Variants in CD164L2 observed in about 807,000 individuals in gnomAD.
CD164L2 encodes CD164 sialomucin-like 2 protein.
In CD164L2, 21 loss-of-function variants were observed where a neutral mutation model predicts 23.9. The ratio of observed to expected loss-of-function variants is 0.88; its 90% confidence interval spans 0.62 to 1.27. The LOEUF (loss-of-function observed/expected upper bound fraction) is 1.27, where lower values mean the gene tolerates loss of function less well. Among genes scored for constraint, CD164L2 ranks in the 50% most tolerant of loss-of-function variants. The pLI is 0.00. For synonymous variants in CD164L2, 92 were observed against 90.2 expected, an observed-to-expected ratio of 1.02 and a Z score of -0.11; for missense variants, 230 against 224.8, an observed-to-expected ratio of 1.02 and a Z score of -0.15.
Position 27,382,671 on chromosome 1 carries a change from G to T in CD164L2, c.89-4C>A, listed in dbSNP as rs1221875619. 6.2e-7 allele frequency: 1 copy of T among 1,607,354 alleles called. No individual in the cohort carries two copies. The highest frequency in any genetic ancestry group is 1.7e-5 in the Admixed American group (1 of 59,334). Reference sequence around the variant, plus strand: ...CCAAAGCCTCGAGCTCCTTTACCTGGTAGTGCGGTGGAGTGGGAAGGGAGA... The same window carrying T: ...CCAAAGCCTCGAGCTCCTTTACCTGTTAGTGCGGTGGAGTGGGAAGGGAGA... On this transcript the variant is annotated splice_polypyrimidine_tract_variant and splice_region_variant and intron_variant, in intron 1 of 5. Coordinates refer to ENST00000374030, the MANE Select transcript of CD164L2 (RefSeq NM_001330448.1).
At position 27,379,259 on chromosome 1, in the gene CD164L2, G is replaced by A; in HGVS notation, c.*244C>T. 1.7e-6 allele frequency: 1 copy of A among 589,886 alleles called. No individual in the cohort carries two copies. Among genetic ancestry groups the A allele is most frequent in the Non-Finnish European group, 3.0e-6 (1 of 328,508 alleles). The allele number at this position is 589,886 out of a possible 1,614,324, so 36.5% of individuals were successfully genotyped here. On this transcript the variant is annotated 3_prime_UTR_variant, in exon 6 of 6. Coordinates refer to ENST00000374030, the MANE Select transcript of CD164L2 (RefSeq NM_001330448.1). ...AGGCATACAACCCACTGTCAGGCTG[G>A]GGGGCCCAGCAGGGGCGATGGAGGA...
intron 3 of CD164L2, 95 bp downstream of exon 3, chr1:27,382,233 A>C (rs369464680): frequency 1.9e-6 from 3 of 1,613,356 alleles, no homozygotes. Context: ...TGGGTGAGCA[A>C]AATCCACCGC....
rs1187776725 is a variant in CD164L2, at chr1:27,379,499, G to A, written c.*4C>T. ...CCTCAGGATGGAGTCCAGGCCCAAA[G>A]GGGTCAGATTCTGCAGAGGCCAAAG... On this transcript the variant is annotated 3_prime_UTR_variant, in exon 6 of 6. Transcript: ENST00000374030. 2.6e-6 allele frequency: 4 copies of A among 1,542,066 alleles called. No homozygotes were observed. The highest frequency in any genetic ancestry group is 2.4e-5 in the South Asian group (2 of 83,966).
Position 27,379,288 on chromosome 1 carries a change from G to A in CD164L2, c.*215C>T, listed in dbSNP as rs769904489. ...GCCCAGCAGGGGCGATGGAGGAGACGAGGTGGTTGAGGGATTTTCTCAGCT... is the reference window on the plus strand; with the variant it reads ...GCCCAGCAGGGGCGATGGAGGAGACAAGGTGGTTGAGGGATTTTCTCAGCT... On this transcript the variant is annotated 3_prime_UTR_variant, in exon 6 of 6. Coordinates refer to ENST00000374030, the MANE Select transcript of CD164L2 (RefSeq NM_001330448.1). 79 of 606,422 alleles carry A rather than the reference G, an allele frequency of 1.3e-4. 1 individual carries two copies. Among genetic ancestry groups the A allele is most frequent in the African/African-American group, 3.2e-4 (17 of 53,928 alleles). The allele number at this position is 606,422 out of a possible 1,614,324, so 37.6% of individuals were successfully genotyped here. A position where few individuals can be genotyped will look rare whatever the true frequency, so the allele number is the denominator to read the frequency against.
At chr1:27,381,281 A>C (rs1472318055) in intron 4 of CD164L2, among the ~76,000 whole-genome samples, 1 of 152,194 alleles carries the variant, frequency 6.6e-6, no homozygotes, top group Admixed American at 6.5e-5. Flanking sequence ...TTAATTAACC[A>C]AGGGCCTCTT....
At position 27,380,154 on chromosome 1, in the gene CD164L2, C is replaced by T. The variant is rs992932439; in HGVS notation, c.415G>A (p.Gly139Arg). 6.2e-6 allele frequency: 10 copies of T among 1,613,982 alleles called. No individual in the cohort carries two copies. The highest frequency in any genetic ancestry group is 1.3e-5 in the African/African-American group (1 of 74,922). ...ACGACACCTCCGATAAAGCTGGCCC[C>T]GTCAAATCCAGGGCTGTGGGCCTCA... The part of the protein sequence containing the change: ...VPEAHSPGFD[G>R]ASFIGGVVLV... The change falls in exon 5 of 6, where the codon GGG (glycine) becomes AGG (arginine). Residue 139 changes from glycine to arginine, a missense_variant. Gly to Arg is a moderately radical substitution (Grantham distance 125). Transcript: ENST00000374030.
At chr1:27,382,212 G>A (rs59697423) in intron 3 of CD164L2, 116 bp downstream of exon 3, 210 of 1,608,092 alleles carry the variant, frequency 1.3e-4, no homozygotes, top group Middle Eastern at 1.7e-4. Context: ...AACTGATACC[G>A]GGCCCAGGTA....
rs1294384259 is a variant in CD164L2, at chr1:27,379,237, C to G, written c.*266G>C. Reference sequence around the variant, plus strand: ...AGGCCAGTTGGTGGAAAGAGGCAGGCATACAACCCACTGTCAGGCTGGGGG... The same window carrying G: ...AGGCCAGTTGGTGGAAAGAGGCAGGGATACAACCCACTGTCAGGCTGGGGG... On this transcript the variant is annotated 3_prime_UTR_variant, in exon 6 of 6. Transcript: ENST00000374030. The G allele has an allele frequency of 1.7e-6, 1 of 576,488 alleles. No homozygotes were observed. Among genetic ancestry groups the G allele is most frequent in the African/African-American group, 1.9e-5 (1 of 53,372 alleles). 35.7% of individuals were successfully genotyped at this position (576,488 alleles called of 1,614,324 possible).
At chr1:27,380,324 C>T in intron 4 of CD164L2, 129 bp from the exon 5 acceptor site, 1 of 806,122 alleles carries the variant, frequency 1.2e-6, no homozygotes, top group Non-Finnish European at 2.0e-6. Context: ...ACCCTGGGCT[C>T]CGTTTAGTCC....
chr1:27,380,251 G>T, intron 4 of CD164L2, 56 bp from the exon 5 acceptor site: 1 of 1,532,998 alleles, frequency 6.5e-7, no homozygotes, highest in Non-Finnish European at 8.9e-7. Context: ...CAGGATCCCA[G>T]TCCTACCCTC....
chr1:27,382,510 T>A lies in CD164L2; in HGVS notation c.246A>T (p.Pro82=). The change falls in exon 2 of 6, where the codon CCA becomes CCT. Residue 82 remains proline, a synonymous_variant. Coordinates refer to ENST00000374030, the MANE Select transcript of CD164L2 (RefSeq NM_001330448.1). The part of the protein sequence containing the change: ...LSSCVWEQCR[P]EEPGHCVAQS... ...GGCTCAGCTCCATACCTGGCTCCTC[T>A]GGCCGGCACTGCTCCCACACGCAGC... 6.2e-7 allele frequency: 1 copy of A among 1,604,554 alleles called. No homozygotes were observed. Among genetic ancestry groups the A allele is most frequent in the Non-Finnish European group, 8.5e-7 (1 of 1,173,750 alleles).
Position 27,383,215 on chromosome 1 carries a change from A to G in CD164L2, c.25T>C (p.Leu9=). Residue 9 remains leucine (L), a synonymous_variant, in exon 1 of 6, where the codon TTG becomes CTG. Transcript: ENST00000374030. MEAPGPRA[L]RTALCGGCCC... Reference sequence around the variant, plus strand: ...CAGCCGCCACAGAGCGCAGTCCGCAAGGCGCGGGGTCCCGGAGCCTCCATG... The same window carrying G: ...CAGCCGCCACAGAGCGCAGTCCGCAGGGCGCGGGGTCCCGGAGCCTCCATG... 6.5e-7 allele frequency: 1 copy of G among 1,546,482 alleles called. No homozygotes were observed. The highest frequency in any genetic ancestry group is 8.7e-7 in the Non-Finnish European group (1 of 1,146,570).
At chr1:27,383,070 C>A (rs1284309087) in intron 1 of CD164L2, 82 bp downstream of exon 1, 3 of 1,203,768 alleles carry the variant, frequency 2.5e-6, no homozygotes, top group African/African-American at 1.5e-5. Flanking sequence ...CAAGCCCAGG[C>A]TGCTCCTGGG....
rs1211512526 is a variant in CD164L2, at chr1:27,379,826, C to T, written c.518+225G>A. On this transcript the variant is annotated intron_variant, in intron 5 of 5. Coordinates refer to ENST00000374030, the MANE Select transcript of CD164L2 (RefSeq NM_001330448.1). ...AAAGACACAGGAGGGCTCAGCTGGGCTCCTAGACTGGCCCAGGCTGAGTCC... is the reference window on the plus strand; with the variant it reads ...AAAGACACAGGAGGGCTCAGCTGGGTTCCTAGACTGGCCCAGGCTGAGTCC... 24 of 1,458,636 alleles carry T rather than the reference C, an allele frequency of 1.6e-5. 1 individual carries two copies. In the African/African-American group the frequency reaches 2.8e-4, roughly 17 times the overall value. The allele number at this position is 1,458,636 out of a possible 1,614,324, so 90.4% of individuals were successfully genotyped here.
intron 4 of CD164L2, 147 bp downstream of exon 4, chr1:27,381,633 C>A: frequency 1.2e-6 from 1 of 806,548 alleles, no homozygotes; most frequent in South Asian, 1.9e-5. Context: ...AGAAAGGCAT[C>A]ATCCAACCCA....
At chr1:27,382,174 A>C (rs1371071068) in intron 3 of CD164L2, 154 bp downstream of exon 3, 1 of 1,568,412 alleles carries the variant, frequency 6.4e-7, no homozygotes, top group South Asian at 1.2e-5. Context: ...CAGAGAGAGG[A>C]GGGGACTTCT....
Position 27,381,802 on chromosome 1 carries a change from A to T in CD164L2, c.351T>A (p.Tyr117Ter). The change falls in exon 4 of 6, where the codon TAT becomes TAA. Residue 117 changes from tyrosine (Y) to a stop codon, truncating the protein, a stop_gained. Transcript: ENST00000374030. LOFTEE classifies it high-confidence loss of function. ...ACPAAHHHPT[Y>*]EPKTVTTGSP... ...CACCTGTTGTGACTGTCTTCGGTTC[A>T]TAGGTGGGGTGGTGGTGAGCAGCTG... 6.2e-7 allele frequency: 1 copy of T among 1,613,974 alleles called. No homozygotes were observed. The highest frequency in any genetic ancestry group is 8.5e-7 in the Non-Finnish European group (1 of 1,179,930).
At chr1:27,380,291 G>T in intron 4 of CD164L2, 96 bp from the exon 5 acceptor site, 1 of 1,167,216 alleles carries the variant, frequency 8.6e-7, no homozygotes, top group Non-Finnish European at 1.2e-6. Flanking sequence ...TGGAGGCCCC[G>T]GTCCTCAATA....
chr1:27,383,329 C>T lies in CD164L2; in HGVS notation c.-90G>A. The T allele has an allele frequency of 5.9e-6, 5 of 841,646 alleles. No homozygotes were observed. The highest frequency in any genetic ancestry group is 9.1e-6 in the Non-Finnish European group (5 of 550,708). The allele number at this position is 841,646 out of a possible 1,614,324, so 52.1% of individuals were successfully genotyped here. On this transcript the variant is annotated 5_prime_UTR_variant, in exon 1 of 6. Coordinates refer to ENST00000374030, the MANE Select transcript of CD164L2 (RefSeq NM_001330448.1). ...CCCTCCCAGACTGGGCTCGGCTGAG[C>T]GTGTGCGGAGCGAGACCTGGGCAAC...
Sources: allele counts gnomAD v4.1 joint callset (sites outside exome capture counted in the v4.1 genomes callset), GRCh38; gene constraint gnomAD v4.1.1; transcripts MANE v1.5; gene names NCBI Gene and HGNC (gene_info 2026-07-23, HGNC 2026-07-21).